Variants in CACNA1E observed in about 807,000 individuals in gnomAD.
The protein encoded by CACNA1E is voltage-dependent R-type calcium channel subunit alpha-1E.
A neutral mutation model predicts 259.2 loss-of-function variants in CACNA1E; 40 were observed. That is an observed-to-expected ratio of 0.15 (90% confidence interval 0.12 to 0.20). The LOEUF is 0.20. CACNA1E is among the 10% of genes least tolerant of loss of function. The pLI is 1.00. For missense variants in CACNA1E, 1,874 were observed against 3,040.1 expected (o/e 0.62, Z 9.02); for synonymous variants, 1,104 against 1,138.5 (o/e 0.97, Z 0.61).
intron 1 of CACNA1E, among the ~76,000 whole-genome samples, chr1:181,348,522 C>T (rs1359582889): frequency 6.6e-6 from 1 of 152,136 alleles, no homozygotes; most frequent in Non-Finnish European, 1.5e-5. Context: ...TTGATACAAG[C>T]CACTGAGTCT....
intron 28 of CACNA1E, among the ~76,000 whole-genome samples, chr1:181,755,658 A>G (rs1295546623): frequency 6.6e-6 from 1 of 152,216 alleles, no homozygotes; most frequent in East Asian, 1.9e-4. Flanking sequence ...AGCTATTGAA[A>G]TAAGTTTTAT....
intron 7 of CACNA1E, 71 bp downstream of exon 7, chr1:181,651,512 A>C: frequency 1.9e-6 from 2 of 1,051,480 alleles, no homozygotes; most frequent in Non-Finnish European, 2.9e-6. Flanking sequence ...CTCCTGACTC[A>C]TGGCAGATTC....
chr1:181,344,961 G>A lies in CACNA1E; in HGVS notation c.-15+26838G>A, dbSNP rs1489139314. 2.6e-5 allele frequency among the ~76,000 whole-genome samples: 4 copies of A among 152,190 alleles called. No individual in the cohort carries two copies. In the East Asian group the frequency reaches 7.7e-4, roughly 29 times the overall value. The stretch of plus-strand genomic sequence containing the variant: ...GCCCCACCATTCCTAGGTGGCCAAG[G>A]TATGATACATTGAATTTCATGCCTG... On this transcript the variant is annotated intron_variant, in intron 1 of 11. Transcript: ENST00000524607.
In CACNA1E at chr1:181,614,230, G is replaced by T. The variant is rs531912190; in HGVS notation, c.951+33454G>T. Among the ~76,000 whole-genome samples the T allele has an allele frequency of 2.6e-5, 4 of 151,952 alleles. No individual in the cohort carries two copies. The East Asian group carries it at 7.7e-4, about 29-fold the overall frequency. On this transcript the variant is annotated intron_variant, in intron 6 of 47. Transcript: ENST00000367573. ...TTTTCTTTTTTTTCTTTTTTACAAT[G>T]ATCCACATGTTGGATTCATTTGTCT... is the stretch of plus-strand genomic sequence containing the variant.
chr1:181,748,007 C>T (rs1232750434), intron 25 of CACNA1E, among the ~76,000 whole-genome samples: 2 of 152,098 alleles, frequency 1.3e-5, no homozygotes, highest in Admixed American at 6.6e-5. Context: ...TAAATCTTGC[C>T]CCTGTTAACA....
intron 3 of CACNA1E, among the ~76,000 whole-genome samples, chr1:181,526,063 T>C (rs942896996): frequency 3.9e-5 from 6 of 152,078 alleles, no homozygotes; most frequent in Non-Finnish European, 7.4e-5. Flanking sequence ...GGATGCTAGG[T>C]CAGGAGGCAG....
intron 36 of CACNA1E, chr1:181,771,699 T>C (rs1659532256): frequency 4.3e-6 from 2 of 467,178 alleles, no homozygotes; most frequent in African/African-American, 3.9e-5. Context: ...TTTGCAAATT[T>C]TAACTTCAAC....
chr1:181,756,858 T>C (rs1658134461), intron 29 of CACNA1E, 67 bp from the exon 30 acceptor site: 1 of 1,043,018 alleles, frequency 9.6e-7, no homozygotes, highest in Non-Finnish European at 1.5e-6. Flanking sequence ...TTATAATAGG[T>C]GGCACATTTC....
intron 29 of CACNA1E, 104 bp downstream of exon 29, chr1:181,756,197 C>T: frequency 8.6e-7 from 1 of 1,161,930 alleles, no homozygotes; most frequent in Non-Finnish European, 1.2e-6. Flanking sequence ...GTTATTGTAT[C>T]AGGGAAAGTA....
At chr1:181,600,454 C>A (rs550400484) in intron 6 of CACNA1E, among the ~76,000 whole-genome samples, 1 of 152,118 alleles carries the variant, frequency 6.6e-6, no homozygotes. Flanking sequence ...AGAGTGGAGG[C>A]GGGCAGCTGG....
intron 25 of CACNA1E, 80 bp downstream of exon 25, chr1:181,739,333 A>G (rs968979708): frequency 9.3e-6 from 9 of 963,606 alleles, no homozygotes; most frequent in Admixed American, 7.1e-5. Context: ...CCTTTCCAGA[A>G]ATGCAACATG....
intron 32 of CACNA1E, 114 bp from the exon 33 acceptor site, chr1:181,762,456 CATTA>C: frequency 1.5e-6 from 1 of 673,010 alleles, no homozygotes; most frequent in East Asian, 2.8e-5. Context: ...TGAACTTATG[CATTA>C]ATTGACAAGT....
rs535271654 is a variant in CACNA1E at position 181,531,865 on chromosome 1, G to A, written c.512+20355G>A. Among the ~76,000 whole-genome samples the A allele has an allele frequency of 1.6e-4, 25 of 152,264 alleles. No individual in the cohort carries two copies. In the South Asian group the frequency reaches 5.2e-3, roughly 32 times the overall value. ...AGGTCAGGAGTTTGAGACCAGCCTG[G>A]CCAACATGGTGAAACCCCGTCTCTA... On this transcript the variant is annotated intron_variant, in intron 3 of 47. Coordinates refer to ENST00000367573, the MANE Select transcript of CACNA1E (RefSeq NM_001205293.3).
chr1:181,764,728 T>C (rs1379317277), intron 34 of CACNA1E, among the ~76,000 whole-genome samples: 4 of 152,272 alleles, frequency 2.6e-5, no homozygotes, highest in Non-Finnish European at 5.9e-5. Flanking sequence ...GTGAGAATTT[T>C]CTGAGTCTCA....
intron 1 of CACNA1E, among the ~76,000 whole-genome samples, chr1:181,328,290 A>G (rs944700261): frequency 1.3e-5 from 2 of 152,154 alleles, no homozygotes; most frequent in African/African-American, 4.8e-5. Context: ...TTGTAAGGGC[A>G]CTAATCCCAT....
At chr1:181,784,340 C>T (rs961666342) in intron 40 of CACNA1E, among the ~76,000 whole-genome samples, 6 of 152,172 alleles carry the variant, frequency 3.9e-5, no homozygotes, top group African/African-American at 9.7e-5. Context: ...GGCAGAGGAA[C>T]GTACTTGCGG....
chr1:181,547,993 A>C (rs541223069), intron 3 of CACNA1E, among the ~76,000 whole-genome samples: 1 of 152,298 alleles, frequency 6.6e-6, no homozygotes, highest in East Asian at 1.9e-4. Flanking sequence ...CTCACATTTG[A>C]GCCATTAGTT....
chr1:181,421,572 AG>A (rs1305269827), intron 2 of CACNA1E, among the ~76,000 whole-genome samples: 1 of 152,254 alleles, frequency 6.6e-6, no homozygotes, highest in Non-Finnish European at 1.5e-5. Flanking sequence ...TAATGTGGCT[AG>A]AACAAAACTC....
intron 1 of CACNA1E, among the ~76,000 whole-genome samples, chr1:181,395,039 C>T (rs1004270908): frequency 2.0e-5 from 3 of 152,092 alleles, no homozygotes; most frequent in Non-Finnish European, 2.9e-5. Flanking sequence ...AAGAGGCTCA[C>T]GCTGCACATT....
Sources: allele counts gnomAD v4.1 joint callset (sites outside exome capture counted in the v4.1 genomes callset), GRCh38; gene constraint gnomAD v4.1.1; transcripts MANE v1.5; gene names NCBI Gene and HGNC (gene_info 2026-07-23, HGNC 2026-07-21).